USP37: variants seen among roughly 807,000 people sequenced by gnomAD.
USP37 encodes the protein ubiquitin specific peptidase 37, also known as ubiquitin carboxyl-terminal hydrolase 37.
In USP37, 27 loss-of-function variants were observed where a neutral mutation model predicts 124.0. That is an observed-to-expected ratio of 0.22 (90% CI 0.16 to 0.30). The LOEUF is 0.30. Ranked by LOEUF, USP37 falls within the 10% of genes least tolerant of loss-of-function variation. USP37 has a pLI of 1.00. For synonymous variants in USP37, 365 were observed against 388.0 expected (o/e 0.94, Z 0.70); for missense variants, 889 against 1,140.4 (o/e 0.78, Z 3.17).
At chr2:218,566,331 G>C (rs1369854650) in intron 1 of USP37, among the ~76,000 whole-genome samples, 1 of 152,158 alleles carries the variant, frequency 6.6e-6, no homozygotes, top group African/African-American at 2.4e-5. Context: ...GTGAAGGAGA[G>C]GAGGAAGATG....
At chr2:218,543,947 A>G (rs1256719897) in intron 8 of USP37, among the ~76,000 whole-genome samples, 1 of 152,226 alleles carries the variant, frequency 6.6e-6, no homozygotes, top group Non-Finnish European at 1.5e-5. Flanking sequence ...AGGCAGTGGT[A>G]AGAGTTAACT....
Position 218,530,054 on chromosome 2 carries a change from G to C in USP37, c.779-14C>G, listed in dbSNP as rs1250339458. The C allele has an allele frequency of 6.3e-7, 1 of 1,584,274 alleles. No homozygotes were observed. Among genetic ancestry groups the C allele is most frequent in the Admixed American group, 2.0e-5 (1 of 51,244 alleles). On this transcript the variant is annotated splice_polypyrimidine_tract_variant and intron_variant, in intron 9 of 25. Coordinates refer to ENST00000258399, the MANE Select transcript of USP37 (RefSeq NM_020935.3). ...AAGGTAAAAGCCCTATAAAACAAAT[G>C]AACAAAGGAAAAACTTAATTCCTAA...
rs1012931398 is a variant in USP37 at position 218,467,257 on chromosome 2, G to C, written c.2300-1081C>G. On this transcript the variant is annotated intron_variant, in intron 20 of 25. Transcript: ENST00000258399. ...TCCACCTCTTTCAGGCAATTCTCCC[G>C]CCTCAGACTCCTGAGTAGCTGGGAC... Among the ~76,000 whole-genome samples, 6 of 127,948 alleles carry C rather than the reference G, an allele frequency of 4.7e-5. No individual in the cohort carries two copies. In the Admixed American group the frequency reaches 5.6e-4, roughly 12 times the overall value. The allele number at this position is 127,948 out of a possible 152,430, so 83.9% of individuals were successfully genotyped here. A position where few individuals can be genotyped will look rare whatever the true frequency, so the allele number is the denominator to read the frequency against.
intron 8 of USP37, among the ~76,000 whole-genome samples, chr2:218,538,918 A>G (rs965725074): frequency 4.6e-5 from 7 of 152,194 alleles, no homozygotes; most frequent in African/African-American, 1.7e-4. Flanking sequence ...ATTGCCAGCA[A>G]CTGGAACAAA....
chr2:218,468,787 G>A (rs1032776804), intron 20 of USP37, among the ~76,000 whole-genome samples: 1 of 151,900 alleles, frequency 6.6e-6, no homozygotes, highest in African/African-American at 2.4e-5. Flanking sequence ...TCCAACTCCC[G>A]GGTTCAAGAG....
chr2:218,500,564 C>T (rs116145074), intron 11 of USP37, among the ~76,000 whole-genome samples: 2,098 of 152,100 alleles, frequency 0.014, 56 homozygotes, highest in African/African-American at 0.048. Context: ...TTAATAGAGA[C>T]GGCGTTTCCC....
intron 19 of USP37, 96 bp from the exon 20 acceptor site, chr2:218,474,981 T>G (rs2106418700): frequency 7.5e-7 from 1 of 1,325,206 alleles, no homozygotes; most frequent in East Asian, 2.5e-5. Flanking sequence ...TCTAAAAAGT[T>G]TCCTTTCTTT....
In USP37 at chr2:218,451,990, A is replaced by G. The variant is rs1260873492; in HGVS notation, c.*2940T>C. On this transcript the variant is annotated 3_prime_UTR_variant, in exon 26 of 26. Transcript: ENST00000258399. ...ACATGTGAATATATCCCTACGAAAC[A>G]GTCTATCTTCTCATAGGCTTAAATT... 1 of 152,762 alleles carries G rather than the reference A, an allele frequency of 6.5e-6. No homozygotes were observed. Among genetic ancestry groups the G allele is most frequent in the East Asian group, 1.9e-4 (1 of 5,194 alleles). The allele number at this position is 152,762 out of a possible 1,614,324, so 9.5% of individuals were successfully genotyped here.
At chr2:218,474,149 G>T (rs900641983) in intron 20 of USP37, among the ~76,000 whole-genome samples, 1 of 152,176 alleles carries the variant, frequency 6.6e-6, no homozygotes, top group African/African-American at 2.4e-5. Flanking sequence ...AATAGCAGTG[G>T]TGAGAAAAGC....
chr2:218,456,981 GA>G (rs772036947), intron 24 of USP37, 110 bp downstream of exon 24: 1 of 1,052,048 alleles, frequency 9.5e-7, no homozygotes, highest in African/African-American at 1.7e-5. Context: ...AAAAAAAAAA[GA>G]AAAAGAAAAA....
At chr2:218,472,628 G>A (rs148142866) in intron 20 of USP37, among the ~76,000 whole-genome samples, 1,936 of 151,790 alleles carry the variant, frequency 0.013, 90 homozygotes, top group Admixed American at 0.078. Context: ...CATCACACCC[G>A]GCTAATTTTG....
chr2:218,541,410 CA>C (rs1300084230), intron 8 of USP37, among the ~76,000 whole-genome samples: 1 of 152,142 alleles, frequency 6.6e-6, no homozygotes, highest in East Asian at 1.9e-4. Flanking sequence ...AAAGGGGATT[CA>C]CTAGGGTGCC....
chr2:218,489,339 C>CAG (rs1457737905), intron 14 of USP37, among the ~76,000 whole-genome samples: 1 of 135,368 alleles, frequency 7.4e-6, no homozygotes, highest in Admixed American at 7.7e-5. Context: ...GCCTGGGCGA[C>CAG]AGAGAGAGAC....
At chr2:218,466,224 A>G (rs766585399) in intron 20 of USP37, 48 bp from the exon 21 acceptor site, 1 of 1,549,672 alleles carries the variant, frequency 6.5e-7, no homozygotes, top group African/African-American at 1.4e-5. Context: ...TAATAAATGG[A>G]AATTTCTGAA....
intron 22 of USP37, among the ~76,000 whole-genome samples, chr2:218,461,960 C>T (rs957116332): frequency 3.3e-5 from 5 of 152,190 alleles, no homozygotes; most frequent in African/African-American, 1.2e-4. Context: ...AGTTCGAGAC[C>T]TGCCTGGCCA....
rs922944993 is a variant in USP37, at chr2:218,459,775, A to C, written c.2643+15T>G. ...CTGAATTTGACCAACTGTACTCAGG[A>C]ATGAAAACAATTACCTCAGCATTTC... On this transcript the variant is annotated intron_variant, in intron 23 of 25. Transcript: ENST00000258399. 6 of 1,606,098 alleles carry C rather than the reference A, an allele frequency of 3.7e-6. No individual in the cohort carries two copies. In the African/African-American group the frequency reaches 8.0e-5, roughly 21 times the overall value.
intron 20 of USP37, among the ~76,000 whole-genome samples, chr2:218,470,778 C>T (rs1460293620): frequency 6.6e-6 from 1 of 152,198 alleles, no homozygotes; most frequent in Non-Finnish European, 1.5e-5. Context: ...CTTCCTGCCC[C>T]TCCTCAGCTG....
intron 15 of USP37, among the ~76,000 whole-genome samples, chr2:218,487,600 T>C (rs1372870372): frequency 6.6e-6 from 1 of 152,012 alleles, no homozygotes; most frequent in African/African-American, 2.4e-5. Context: ...TTTGTATTTT[T>C]AGTAGAGACC....
In USP37 at chr2:218,466,097, T is replaced by C. The variant is rs770825898; in HGVS notation, c.2379A>G (p.Glu793=). 2.5e-6 allele frequency: 4 copies of C among 1,613,942 alleles called. No individual in the cohort carries two copies. In the African/African-American group the frequency reaches 4.0e-5, roughly 16 times the overall value. Residue 793 remains glutamate, a synonymous_variant, in exon 21 of 26, where the codon GAA becomes GAG. Transcript: ENST00000258399. Reference sequence around the variant, plus strand: ...TATCATACTGCTGGAGCCAATCAACTTCTCCCTGAGATCCTTCTGGAGTTT... The same window carrying C: ...TATCATACTGCTGGAGCCAATCAACCTCTCCCTGAGATCCTTCTGGAGTTT... ...ENKTPEGSQG[E]VDWLQQYDME... is the part of the protein sequence containing the mutation.
Sources: allele counts gnomAD v4.1 joint callset (sites outside exome capture counted in the v4.1 genomes callset), GRCh38; gene constraint gnomAD v4.1.1; transcripts MANE v1.5; gene names NCBI Gene and HGNC (gene_info 2026-07-23, HGNC 2026-07-21).